GLYATL2: variants seen among roughly 807,000 people sequenced by gnomAD.
GLYATL2 encodes the protein glycine-N-acyltransferase like 2, also known as glycine N-acyltransferase-like protein 2.
A neutral mutation model predicts 21.4 loss-of-function variants in GLYATL2; 25 were observed. The ratio of observed to expected loss-of-function variants is 1.17; its 90% CI spans 0.85 to 1.63. GLYATL2 has a LOEUF of 1.63. GLYATL2 is among the 40% of genes most tolerant of loss of function. The probability of loss-of-function intolerance (pLI) is 0.00; values close to 1 mark genes in which losing one functional copy is unlikely to be tolerated. For missense variants in GLYATL2, 361 were observed against 343.3 expected (o/e 1.05, Z -0.41); for synonymous variants, 114 against 118.2 (o/e 0.96, Z 0.23).
At chr11:58,898,601 G>A (rs968695409) in intron 1 of GLYATL2, among the ~76,000 whole-genome samples, 26 of 151,770 alleles carry the variant, frequency 1.7e-4, no homozygotes, top group African/African-American at 5.6e-4. Context: ...TTCGGAGACC[G>A]AGGCGGGCAG....
chr11:58,902,781 G>T (rs1339359522), intron 1 of GLYATL2, among the ~76,000 whole-genome samples: 1 of 152,170 alleles, frequency 6.6e-6, no homozygotes, highest in Non-Finnish European at 1.5e-5. Flanking sequence ...TCTGCCAAGG[G>T]AATGTTCTTT....
At chr11:58,886,310 G>A (rs1249423053) in intron 1 of GLYATL2, among the ~76,000 whole-genome samples, 2 of 152,158 alleles carry the variant, frequency 1.3e-5, no homozygotes, top group South Asian at 2.1e-4. Flanking sequence ...TTTTGTTAGT[G>A]GATGTCATCA....
At chr11:58,886,086 C>T (rs968371328) in intron 1 of GLYATL2, among the ~76,000 whole-genome samples, 14 of 152,070 alleles carry the variant, frequency 9.2e-5, no homozygotes. Context: ...CATGGTGGTA[C>T]ATGTTTATAC....
chr11:58,863,091 A>G (rs1853960742), intron 1 of GLYATL2, among the ~76,000 whole-genome samples: 2 of 151,172 alleles, frequency 1.3e-5, no homozygotes, highest in Admixed American at 1.3e-4. Context: ...CTGGGTCTGT[A>G]GAGTGGGGCC....
intron 1 of GLYATL2, among the ~76,000 whole-genome samples, chr11:58,842,517 TGTGC>T (rs1334855375): frequency 2.5e-4 from 36 of 141,906 alleles, no homozygotes; most frequent in African/African-American, 8.7e-4. Context: ...TGTGTGTGTG[TGTGC>T]GCCCTGTGAT....
At chr11:58,895,258 T>C (rs1203854923) in intron 1 of GLYATL2, among the ~76,000 whole-genome samples, 1 of 152,168 alleles carries the variant, frequency 6.6e-6, no homozygotes, top group Non-Finnish European at 1.5e-5. Context: ...ATTTTTTAAA[T>C]AGAGCACAAG....
intron 1 of GLYATL2, among the ~76,000 whole-genome samples, chr11:58,854,174 A>G (rs368509452): frequency 1.3e-5 from 2 of 152,236 alleles, no homozygotes; most frequent in African/African-American, 4.8e-5. Flanking sequence ...TATTGTGCAT[A>G]TATACCACAT....
intron 1 of GLYATL2, among the ~76,000 whole-genome samples, chr11:58,849,766 T>G (rs1255285929): frequency 6.6e-6 from 1 of 152,000 alleles, no homozygotes; most frequent in Non-Finnish European, 1.5e-5. Context: ...GAGGGGAACA[T>G]CATACACTGG....
intron 1 of GLYATL2, among the ~76,000 whole-genome samples, chr11:58,870,730 A>G (rs1854102982): frequency 6.6e-6 from 1 of 152,208 alleles, no homozygotes; most frequent in African/African-American, 2.4e-5. Flanking sequence ...CACAAGTCCT[A>G]CAGAGGAAAT....
intron 1 of GLYATL2, among the ~76,000 whole-genome samples, chr11:58,851,274 T>A (rs1853736409): frequency 6.6e-6 from 1 of 152,224 alleles, no homozygotes; most frequent in South Asian, 2.1e-4. Flanking sequence ...CTCTCATCTC[T>A]GCACATGTGG....
Position 58,864,017 on chromosome 11 carries a change from C to A in GLYATL2, n.61-25649G>T, listed in dbSNP as rs117610125. Among the ~76,000 whole-genome samples the A allele has an allele frequency of 6.6e-4, 101 of 152,248 alleles. No homozygotes were observed. The East Asian group carries it at 0.018, about 27-fold the overall frequency. ...ACCTAGCTAAGAGATAAGGCTAGGG[C>A]TGCCAACCTGGAACTGGGGTTGGCC... On this transcript the variant is annotated intron_variant and non_coding_transcript_variant, in intron 1 of 4. Coordinates refer to the GLYATL2 transcript ENST00000533636.
chr11:58,874,566 C>G (rs1257382658), intron 1 of GLYATL2, among the ~76,000 whole-genome samples: 1 of 152,182 alleles, frequency 6.6e-6, no homozygotes, highest in Non-Finnish European at 1.5e-5. Flanking sequence ...CATTCAGGAG[C>G]AGGTTGTTCA....
intron 1 of GLYATL2, among the ~76,000 whole-genome samples, chr11:58,899,378 C>G (rs924662456): frequency 2.6e-5 from 4 of 152,026 alleles, no homozygotes; most frequent in African/African-American, 9.7e-5. Flanking sequence ...AGCTTACATT[C>G]TGGAGCAGGG....
At chr11:58,854,370 C>T (rs573742221) in intron 1 of GLYATL2, among the ~76,000 whole-genome samples, 3 of 152,278 alleles carry the variant, frequency 2.0e-5, no homozygotes, top group Admixed American at 2.0e-4. Flanking sequence ...GCAAGTCACA[C>T]GAAGTTTATG....
At chr11:58,881,973 A>C (rs968134706) in intron 1 of GLYATL2, among the ~76,000 whole-genome samples, 8 of 152,120 alleles carry the variant, frequency 5.3e-5, no homozygotes, top group Admixed American at 4.6e-4. Context: ...ACATTTTCTT[A>C]ATCCAGTCCA....
chr11:58,853,958 C>T (rs1303118351), intron 1 of GLYATL2, among the ~76,000 whole-genome samples: 1 of 152,102 alleles, frequency 6.6e-6, no homozygotes, highest in Non-Finnish European at 1.5e-5. Flanking sequence ...CTCCCCAGTC[C>T]CTACCACCTC....
Position 58,834,567 on chromosome 11 carries a change from A to G in GLYATL2, c.747T>C (p.Leu249=). Residue 249 remains leucine, a synonymous_variant, in exon 6 of 6, where the codon CTT becomes CTC. Coordinates refer to ENST00000287275, the MANE Select transcript of GLYATL2 (RefSeq NM_145016.4). The part of the protein sequence containing the change: ...LQIGYHLEKY[L]SQKEIPFYFH... ...AATAAAATGGGATTTCTTTCTGAGA[A>G]AGATACTTTTCAAGATGATAACCAA... is the stretch of plus-strand genomic sequence containing the variant. The G allele has an allele frequency of 6.2e-7, 1 of 1,614,018 alleles. No homozygotes were observed. The highest frequency in any genetic ancestry group is 8.5e-7 in the Non-Finnish European group (1 of 1,179,960).
intron 1 of GLYATL2, among the ~76,000 whole-genome samples, chr11:58,900,869 CT>C (rs1854726207): frequency 6.8e-6 from 1 of 147,746 alleles, no homozygotes; most frequent in South Asian, 2.2e-4. Flanking sequence ...TTAAGGGAAT[CT>C]TCGAGTCCAA....
chr11:58,843,212 T>A (rs1853584548), intron 1 of GLYATL2, among the ~76,000 whole-genome samples: 1 of 152,184 alleles, frequency 6.6e-6, no homozygotes, highest in Admixed American at 6.5e-5. Flanking sequence ...TGAATGTCTG[T>A]TTCCTGGAAG....
Sources: allele counts gnomAD v4.1 joint callset (sites outside exome capture counted in the v4.1 genomes callset), GRCh38; gene constraint gnomAD v4.1.1; transcripts MANE v1.5; gene names NCBI Gene and HGNC (gene_info 2026-07-23, HGNC 2026-07-21).